Variants in DSCAM observed in about 807,000 individuals in gnomAD.
The protein encoded by DSCAM is DS cell adhesion molecule.
In DSCAM, 47 loss-of-function variants were observed where a neutral mutation model predicts 217.7. The ratio of observed to expected loss-of-function variants is 0.22; its 90% confidence interval spans 0.17 to 0.28. The LOEUF (loss-of-function observed/expected upper bound fraction) is 0.28, where lower values mean the gene tolerates loss of function less well. Ranked by LOEUF, DSCAM falls within the 10% of genes least tolerant of loss-of-function variation. The pLI is 1.00. For missense variants in DSCAM, 2,080 were observed against 2,618.3 expected (o/e 0.79, Z 4.49); for synonymous variants, 1,056 against 1,015.3 (o/e 1.04, Z -0.76).
At chr21:40,639,933 C>T (rs1303261880) in intron 3 of DSCAM, among the ~76,000 whole-genome samples, 1 of 152,194 alleles carries the variant, frequency 6.6e-6, no homozygotes, top group African/African-American at 2.4e-5. Context: ...CCTTGTTCTA[C>T]ACGGGCTCCA....
chr21:40,246,138 A>G lies in DSCAM; in HGVS notation c.2356+29959T>C, dbSNP rs182188685. On this transcript the variant is annotated intron_variant, in intron 11 of 32. Transcript: ENST00000400454. ...CAAATAAAAGCCAAAGGAGATTTTA[A>G]AAAACATCCTCAAGAAGCCTGTTCA... is the stretch of plus-strand genomic sequence containing the variant. Among the ~76,000 whole-genome samples, 15 of 152,030 alleles carry G rather than the reference A, an allele frequency of 9.9e-5. No homozygotes were observed. In the East Asian group the frequency reaches 1.2e-3, roughly 12 times the overall value.
chr21:40,691,212 T>C (rs923872407), intron 3 of DSCAM, among the ~76,000 whole-genome samples: 1 of 152,242 alleles, frequency 6.6e-6, no homozygotes, highest in African/African-American at 2.4e-5. Flanking sequence ...GCCAATTAAA[T>C]ATGAACAGAG....
chr21:40,053,025 G>A (rs959048295), intron 29 of DSCAM, among the ~76,000 whole-genome samples: 8 of 152,346 alleles, frequency 5.3e-5, no homozygotes, highest in South Asian at 4.1e-4. Flanking sequence ...CCAGGATGCT[G>A]TTGCTAAGAG....
chr21:40,073,155 G>T (rs906222985), intron 27 of DSCAM, among the ~76,000 whole-genome samples: 1 of 152,184 alleles, frequency 6.6e-6, no homozygotes, highest in Non-Finnish European at 1.5e-5. Flanking sequence ...GCACAGCTGG[G>T]GTGCTCAAGT....
intron 3 of DSCAM, among the ~76,000 whole-genome samples, chr21:40,501,654 C>T (rs766011816): frequency 1.3e-5 from 2 of 152,282 alleles, no homozygotes; most frequent in African/African-American, 4.8e-5. Flanking sequence ...TGCAATGGCA[C>T]GATCTCTGCT....
chr21:40,285,695 A>G (rs912565161), intron 10 of DSCAM, among the ~76,000 whole-genome samples: 1 of 152,184 alleles, frequency 6.6e-6, no homozygotes, highest in African/African-American at 2.4e-5. Flanking sequence ...CTTGGGGAAC[A>G]CACAACACAC....
intron 20 of DSCAM, among the ~76,000 whole-genome samples, chr21:40,107,367 C>T (rs2222997): frequency 0.025 from 3,858 of 152,180 alleles, 79 homozygotes; most frequent in Non-Finnish European, 0.039. Context: ...TTTGCATTTG[C>T]TGAGGAGTGT....
chr21:40,093,412 T>A lies in DSCAM; in HGVS notation c.3850+309A>T, dbSNP rs1177831493. Among the ~76,000 whole-genome samples the A allele has an allele frequency of 1.1e-4, 17 of 152,320 alleles. No individual in the cohort carries two copies. In the East Asian group the frequency reaches 2.5e-3, roughly 23 times the overall value. ...ACCTGATTTTGCTGAAAGTAGAACATCCTTGGGAAAATGCCGTGTAATGAT... is the reference window on the plus strand; with the variant it reads ...ACCTGATTTTGCTGAAAGTAGAACAACCTTGGGAAAATGCCGTGTAATGAT... On this transcript the variant is annotated intron_variant, in intron 21 of 32. Coordinates refer to ENST00000400454, the MANE Select transcript of DSCAM (RefSeq NM_001389.5).
At chr21:40,444,949 CTA>C (rs1447119543) in intron 3 of DSCAM, among the ~76,000 whole-genome samples, 1 of 152,170 alleles carries the variant, frequency 6.6e-6, no homozygotes, top group Non-Finnish European at 1.5e-5. Context: ...CCTACATTGT[CTA>C]TGTTTTCTGT....
chr21:40,499,773 CT>C (rs2076156749), intron 3 of DSCAM, among the ~76,000 whole-genome samples: 1 of 152,052 alleles, frequency 6.6e-6, no homozygotes, highest in African/African-American at 2.4e-5. Flanking sequence ...GAGCACCCTT[CT>C]TTTTTTCTTT....
chr21:40,219,733 T>C lies in DSCAM; in HGVS notation c.2357-30495A>G, dbSNP rs182338213. Among the ~76,000 whole-genome samples the C allele has an allele frequency of 2.5e-3, 388 of 152,300 alleles. 2 individuals carry two copies. Among genetic ancestry groups the C allele is most frequent in the African/African-American group, 9.1e-3 (377 of 41,566 alleles). The stretch of plus-strand genomic sequence containing the variant: ...TCTCTGCCAATATTCCATATTATCA[T>C]TTATTTTGTTTCTCTATATGTTTAT... On this transcript the variant is annotated intron_variant, in intron 11 of 32. Coordinates refer to ENST00000400454, the MANE Select transcript of DSCAM (RefSeq NM_001389.5).
Position 40,085,743 on chromosome 21 carries a change from T to C in DSCAM, c.3991A>G (p.Thr1331Ala). 6.5e-7 allele frequency: 1 copy of C among 1,540,912 alleles called. No individual in the cohort carries two copies. ...KDSNGTPSLV[T>A]IDGRRSIFSN... ...AAGATGCTCCTCCGCCCATCAATCG[T>C]TACTAGACTGGGTGTCCCGTTACTG... is the stretch of plus-strand genomic sequence containing the variant. The change falls in exon 23 of 33, where the codon ACG (threonine) becomes GCG (alanine). Residue 1331 changes from threonine to alanine, a missense_variant. Physicochemically the swap from Thr to Ala is moderately conservative, Grantham distance 58. Coordinates refer to ENST00000400454, the MANE Select transcript of DSCAM (RefSeq NM_001389.5).
chr21:40,746,058 C>T (rs1384869500), intron 1 of DSCAM, among the ~76,000 whole-genome samples: 3 of 150,798 alleles, frequency 2.0e-5, no homozygotes, highest in Non-Finnish European at 3.0e-5. Flanking sequence ...AATAGATACA[C>T]TAAAAATAAT....
chr21:40,457,219 A>T (rs903994759), intron 3 of DSCAM, among the ~76,000 whole-genome samples: 4 of 152,186 alleles, frequency 2.6e-5, no homozygotes, highest in African/African-American at 9.7e-5. Context: ...ATTTGGAAAA[A>T]GAAGAAGGCT....
chr21:40,239,118 A>ATC (rs2073115549), intron 11 of DSCAM, among the ~76,000 whole-genome samples: 1 of 152,204 alleles, frequency 6.6e-6, no homozygotes, highest in Non-Finnish European at 1.5e-5. Flanking sequence ...CTATCTCTAG[A>ATC]AAGTCTGCTC....
At chr21:40,754,764 G>A (rs540633124) in intron 1 of DSCAM, among the ~76,000 whole-genome samples, 31 of 152,302 alleles carry the variant, frequency 2.0e-4, no homozygotes, top group Middle Eastern at 3.4e-3. Context: ...CAACACCACC[G>A]CTCATTTTTG....
intron 20 of DSCAM, among the ~76,000 whole-genome samples, chr21:40,101,207 G>A (rs1470392406): frequency 6.6e-6 from 1 of 152,140 alleles, no homozygotes; most frequent in Middle Eastern, 3.2e-3. Context: ...ATTCCTCTTG[G>A]CTAGCTGAGG....
At chr21:40,638,509 A>C (rs66500736) in intron 3 of DSCAM, among the ~76,000 whole-genome samples, 14,253 of 152,242 alleles carry the variant, frequency 0.094, 780 homozygotes, top group Middle Eastern at 0.17. Flanking sequence ...TAGCAAAGGA[A>C]CTCAGAGTTT....
At chr21:40,834,787 C>T (rs1421075652) in intron 1 of DSCAM, among the ~76,000 whole-genome samples, 3 of 152,126 alleles carry the variant, frequency 2.0e-5, no homozygotes, top group African/African-American at 4.8e-5. Context: ...GGCCTCCAGA[C>T]CCCCCAGGAA....
Sources: gnomAD v4.1 joint callset for allele counts (sites outside exome capture counted in the v4.1 genomes callset) on GRCh38, gnomAD v4.1.1 for gene constraint, MANE v1.5 for transcripts, NCBI Gene and HGNC (gene_info 2026-07-23, HGNC 2026-07-21) for gene names.